The following C2orf42 variants were observed in gnomAD, a reference collection of about 807,000 sequenced individuals.
C2orf42 encodes the protein chromosome 2 open reading frame 42.
C2orf42 carries 44 observed loss-of-function variants against 58.9 expected under a neutral mutation model. The observed-to-expected ratio is 0.75, with a 90% CI of 0.59 to 0.96. The LOEUF is 0.96. C2orf42 is among the 40% of genes least tolerant of loss of function. The pLI is 0.00. For synonymous variants in C2orf42, 239 were observed against 265.4 expected (o/e 0.90, Z 0.97); for missense variants, 630 against 699.2 (o/e 0.90, Z 1.12).
Position 70,175,657 on chromosome 2 carries a change from G to T in C2orf42, c.1039+16C>A. ...CTTTCCACCACTGTAGCCTATTCTAGGGAAGGGAAACTTACCCTGCCTTTT... is the reference window on the plus strand; with the variant it reads ...CTTTCCACCACTGTAGCCTATTCTATGGAAGGGAAACTTACCCTGCCTTTT... On this transcript the variant is annotated intron_variant, in intron 5 of 9. Coordinates refer to ENST00000264434, the MANE Select transcript of C2orf42 (RefSeq NM_017880.3). 1 of 1,496,788 alleles carries T rather than the reference G, an allele frequency of 6.7e-7. No homozygotes were observed. Among genetic ancestry groups the T allele is most frequent in the Non-Finnish European group, 9.3e-7 (1 of 1,073,068 alleles). The allele number at this position is 1,496,788 out of a possible 1,614,324, so 92.7% of individuals were successfully genotyped here.
chr2:70,169,623 A>G lies in C2orf42; in HGVS notation c.1078T>C (p.Ser360Pro). 1 of 1,611,152 alleles carries G rather than the reference A, an allele frequency of 6.2e-7. No individual in the cohort carries two copies. The highest frequency in any genetic ancestry group is 8.5e-7 in the Non-Finnish European group (1 of 1,177,336). Reference protein sequence around the residue: ...QLLDEAQVTLSFQDWLASVTE... With the variant: ...QLLDEAQVTLPFQDWLASVTE... ...ACACTGGCCAGCCAGTCTTGGAAGG[A>G]TAAAGTCACTTGTGCCTCATCTAAC... The change falls in exon 6 of 10, where the codon TCC becomes CCC. Residue 360 changes from serine to proline, a missense_variant. Physicochemically the swap from Ser to Pro is moderately conservative, Grantham distance 74 (BLOSUM62 -1). Transcript: ENST00000264434.
intron 5 of C2orf42, among the ~76,000 whole-genome samples, chr2:70,175,341 C>G (rs1004129915): frequency 1.3e-5 from 2 of 152,214 alleles, no homozygotes; most frequent in African/African-American, 4.8e-5. Flanking sequence ...TTCCTCCCTC[C>G]TCCCACGTTT....
Position 70,165,183 on chromosome 2 carries a change from C to G in C2orf42, c.1262G>C (p.Arg421Pro). ...RLPNSTTAFV[R>P]KDALPLGTFS... ...GGTTCCCAGTGGCAAGGCATCTTTC[C>G]GAACAAAAGCTTCAACGTGAAAAAA... Residue 421 changes from arginine (R) to proline (P), a missense_variant, in exon 8 of 10, where the codon CGG becomes CCG. By Grantham distance (103) the Arg-to-Pro change is moderately radical. Transcript: ENST00000264434. 6.3e-7 allele frequency: 1 copy of G among 1,595,710 alleles called. No homozygotes were observed. The highest frequency in any genetic ancestry group is 8.6e-7 in the Non-Finnish European group (1 of 1,167,808).
At chr2:70,190,313 T>A (rs192577642) in intron 1 of C2orf42, 7 of 152,328 alleles carry the variant, frequency 4.6e-5, no homozygotes, top group Non-Finnish European at 8.8e-5. Context: ...TACCCAGACC[T>A]AAATGTTTGG....
At chr2:70,182,492 T>A (rs537005316) in intron 2 of C2orf42, 175 bp downstream of exon 2, 4 of 153,894 alleles carry the variant, frequency 2.6e-5, no homozygotes, top group East Asian at 1.9e-4. Flanking sequence ...CCTATTTTTT[T>A]AAATCCTAAT....
chr2:70,190,462 A>T (rs2103699936), intron 1 of C2orf42: 1 of 152,364 alleles, frequency 6.6e-6, no homozygotes, highest in South Asian at 2.1e-4. Flanking sequence ...CCTGTGAGGT[A>T]GATACTATGT....
chr2:70,163,215 C>T (rs1032468113), intron 8 of C2orf42, among the ~76,000 whole-genome samples: 4 of 151,402 alleles, frequency 2.6e-5, no homozygotes, highest in African/African-American at 7.3e-5. Context: ...AACTCCATCT[C>T]AGATTTTCAG....
intron 9 of C2orf42, among the ~76,000 whole-genome samples, chr2:70,152,583 C>G (rs184833070): frequency 1.3e-5 from 2 of 152,148 alleles, no homozygotes; most frequent in East Asian, 3.9e-4. Flanking sequence ...TACTTTGTCT[C>G]TCTCACTGTT....
chr2:70,173,715 C>T (rs1020218221), intron 5 of C2orf42, among the ~76,000 whole-genome samples: 7 of 152,046 alleles, frequency 4.6e-5, no homozygotes, highest in African/African-American at 9.7e-5. Context: ...ATCCCAGGGT[C>T]AAGCAATCTT....
intron 8 of C2orf42, among the ~76,000 whole-genome samples, chr2:70,161,283 G>A (rs140935887): frequency 2.6e-5 from 4 of 152,230 alleles, no homozygotes; most frequent in African/African-American, 7.2e-5. Context: ...GTTTTCTCAC[G>A]GGCAAAATGC....
chr2:70,172,807 C>G (rs1002842638), intron 5 of C2orf42, among the ~76,000 whole-genome samples: 1 of 152,138 alleles, frequency 6.6e-6, no homozygotes, highest in Non-Finnish European at 1.5e-5. Flanking sequence ...TAAAGGCATA[C>G]AGTGACAATT....
chr2:70,162,958 C>T (rs1348309141), intron 8 of C2orf42, among the ~76,000 whole-genome samples: 1 of 151,980 alleles, frequency 6.6e-6, no homozygotes, highest in Non-Finnish European at 1.5e-5. Flanking sequence ...ACCTCCGCCT[C>T]CCGGGTTCAA....
intron 9 of C2orf42, among the ~76,000 whole-genome samples, chr2:70,155,165 A>C (rs1196485988): frequency 2.6e-5 from 4 of 151,982 alleles, no homozygotes. Context: ...AATTGCTTGA[A>C]CCTGGGAGGT....
chr2:70,159,481 G>C (rs1031528007), intron 9 of C2orf42, among the ~76,000 whole-genome samples: 1 of 151,338 alleles, frequency 6.6e-6, no homozygotes, highest in Non-Finnish European at 1.5e-5. Context: ...CCAGCTACTC[G>C]GGAGGCTGAG....
intron 9 of C2orf42, among the ~76,000 whole-genome samples, chr2:70,156,171 T>A (rs1169851660): frequency 6.6e-6 from 1 of 151,558 alleles, no homozygotes; most frequent in Non-Finnish European, 1.5e-5. Context: ...AAAAAGAATA[T>A]GGTATCACCT....
At chr2:70,178,497 C>T (rs1286992460) in intron 4 of C2orf42, among the ~76,000 whole-genome samples, 2 of 152,034 alleles carry the variant, frequency 1.3e-5, no homozygotes, top group African/African-American at 4.8e-5. Flanking sequence ...ATCCCAGCTA[C>T]TCAAGAGGCT....
chr2:70,178,056 C>A (rs566899324), intron 4 of C2orf42, among the ~76,000 whole-genome samples: 1 of 152,206 alleles, frequency 6.6e-6, no homozygotes, highest in African/African-American at 2.4e-5. Flanking sequence ...AACAAACAAA[C>A]AAACAAACAA....
In C2orf42 at chr2:70,175,761, A is replaced by T; in HGVS notation, c.951T>A (p.Ser317Arg). 6.2e-7 allele frequency: 1 copy of T among 1,608,484 alleles called. No homozygotes were observed. The highest frequency in any genetic ancestry group is 2.2e-5 in the East Asian group (1 of 44,850). The change falls in exon 5 of 10, where the codon AGT becomes AGA. Residue 317 changes from serine (S) to arginine (R), a missense_variant. Ser to Arg is a moderately radical substitution (Grantham distance 110, BLOSUM62 -1). Coordinates refer to ENST00000264434, the MANE Select transcript of C2orf42 (RefSeq NM_017880.3). Reference sequence around the variant, plus strand: ...TCACTGCATCTTGAGGCAGTAGTGAACTGTTCATCTGTGCACCTAAACCAC... The same window carrying T: ...TCACTGCATCTTGAGGCAGTAGTGATCTGTTCATCTGTGCACCTAAACCAC... ...KDEVSGAQMNSSLLPQDAVSS... is the reference protein window; with the variant it reads ...KDEVSGAQMNRSLLPQDAVSS...
chr2:70,181,845 A>G lies in C2orf42; in HGVS notation c.141T>C (p.Cys47=). 1 of 1,614,136 alleles carries G rather than the reference A, an allele frequency of 6.2e-7. No homozygotes were observed. The highest frequency in any genetic ancestry group is 8.5e-7 in the Non-Finnish European group (1 of 1,179,992). Residue 47 remains cysteine, a synonymous_variant, in exon 3 of 10, where the codon TGT becomes TGC. Coordinates refer to ENST00000264434, the MANE Select transcript of C2orf42 (RefSeq NM_017880.3). ...GTGCACCGTAGCGGAATATGGTTCC[A>G]CATGTCTTGTTCTTACAGCTCAGTC... ...TRGLSCKNKT[C]GTIFRYGARK... is the part of the protein sequence containing the mutation.
Sources: gnomAD v4.1 joint callset for allele counts (sites outside exome capture counted in the v4.1 genomes callset) on GRCh38, gnomAD v4.1.1 for gene constraint, MANE v1.5 for transcripts, NCBI Gene and HGNC (gene_info 2026-07-23, HGNC 2026-07-21) for gene names.